TLL2: variants seen among roughly 807,000 people sequenced by gnomAD.
TLL2 encodes the protein tolloid-like protein 2.
A neutral mutation model predicts 123.0 loss-of-function variants in TLL2; 106 were observed. The ratio of observed to expected loss-of-function variants is 0.86; its 90% CI spans 0.74 to 1.01. The LOEUF is 1.01. TLL2 is among the 50% of genes least tolerant of loss of function. TLL2 has a pLI of 0.00. For synonymous variants in TLL2, 494 were observed against 516.8 expected, an observed-to-expected ratio of 0.96 and a Z score of 0.60; for missense variants, 1,332 against 1,336.7, an observed-to-expected ratio of 1.00 and a Z score of 0.06.
chr10:96,493,821 T>C (rs1847441743), intron 1 of TLL2, among the ~76,000 whole-genome samples: 1 of 152,128 alleles, frequency 6.6e-6, no homozygotes, highest in African/African-American at 2.4e-5. Context: ...CCCGAATCCG[T>C]GAGTGAACAA....
At chr10:96,411,011 G>A (rs916949685) in intron 8 of TLL2, among the ~76,000 whole-genome samples, 1 of 152,106 alleles carries the variant, frequency 6.6e-6, no homozygotes, top group Non-Finnish European at 1.5e-5. Context: ...GGAGGCCAAG[G>A]CGGGTGGGTC....
At chr10:96,439,514 G>T (rs926661360) in intron 3 of TLL2, among the ~76,000 whole-genome samples, 1 of 152,132 alleles carries the variant, frequency 6.6e-6, no homozygotes, top group Non-Finnish European at 1.5e-5. Flanking sequence ...GACCTGTATG[G>T]ATTTGCTGCT....
chr10:96,403,645 C>T (rs1039189889), intron 10 of TLL2, among the ~76,000 whole-genome samples: 12 of 152,134 alleles, frequency 7.9e-5, no homozygotes, highest in East Asian at 1.9e-4. Flanking sequence ...AATATGGCCT[C>T]GTGGGATGAG....
At chr10:96,455,486 G>C (rs1847004098) in intron 2 of TLL2, among the ~76,000 whole-genome samples, 1 of 152,158 alleles carries the variant, frequency 6.6e-6, no homozygotes, top group Non-Finnish European at 1.5e-5. Flanking sequence ...GATGAGATAG[G>C]AGGTCAGCAC....
intron 2 of TLL2, among the ~76,000 whole-genome samples, chr10:96,462,542 T>TATAA (rs1319404206): frequency 2.0e-5 from 3 of 152,170 alleles, no homozygotes; most frequent in African/African-American, 7.2e-5. Context: ...TACACTCTAG[T>TATAA]ATAAAGTACA....
chr10:96,376,763 G>C lies in TLL2; in HGVS notation c.2377C>G (p.Pro793Ala). ...VEGTLASPNW[P>A]DKYPSRRECT... ...TCCCTCCGGCTGGGGTATTTGTCAGGCCAGTTGGGGCTCGCCAGGGTCCCC... is the reference window on the plus strand; with the variant it reads ...TCCCTCCGGCTGGGGTATTTGTCAGCCCAGTTGGGGCTCGCCAGGGTCCCC... The change falls in exon 18 of 21, where the codon CCT (proline) becomes GCT (alanine). Residue 793 changes from proline to alanine, a missense_variant. Pro to Ala is a conservative substitution (Grantham distance 27). Coordinates refer to ENST00000357947, the MANE Select transcript of TLL2 (RefSeq NM_012465.4). 6.3e-7 allele frequency: 1 copy of C among 1,597,956 alleles called. No individual in the cohort carries two copies. Among genetic ancestry groups the C allele is most frequent in the South Asian group, 1.1e-5 (1 of 88,632 alleles).
At chr10:96,432,059 A>G (rs1001097110) in intron 4 of TLL2, among the ~76,000 whole-genome samples, 1 of 152,056 alleles carries the variant, frequency 6.6e-6, no homozygotes, top group African/African-American at 2.4e-5. Flanking sequence ...GGGGTACTTG[A>G]GGGAGGGCAT....
chr10:96,400,357 CAAAAAAAAAAAA>C (rs55975748), intron 10 of TLL2, among the ~76,000 whole-genome samples: 2 of 109,894 alleles, frequency 1.8e-5, no homozygotes, highest in Non-Finnish European at 3.7e-5. Context: ...CTACTACCAT[CAAAAAAAAAAAA>C]AAAAAAAAAA....
At chr10:96,390,377 T>TG in intron 13 of TLL2, among the ~76,000 whole-genome samples, 1 of 152,338 alleles carries the variant, frequency 6.6e-6, no homozygotes, top group South Asian at 2.1e-4. Flanking sequence ...ATTCTTTATG[T>TG]GGGGGGCATA....
At chr10:96,387,592 G>C (rs953213527) in intron 13 of TLL2, among the ~76,000 whole-genome samples, 2 of 152,228 alleles carry the variant, frequency 1.3e-5, no homozygotes, top group African/African-American at 4.8e-5. Flanking sequence ...ACTCTTAAGA[G>C]AGGTATGCAC....
At chr10:96,476,240 A>ATATATTCT in intron 2 of TLL2, among the ~76,000 whole-genome samples, 1 of 20,502 alleles carries the variant, frequency 4.9e-5, no homozygotes, top group African/African-American at 1.7e-4. Flanking sequence ...ATATATATAT[A>ATATATTCT]TTTTATTTTT....
intron 2 of TLL2, among the ~76,000 whole-genome samples, chr10:96,468,818 C>T (rs1328382520): frequency 6.6e-6 from 1 of 152,136 alleles, no homozygotes; most frequent in Non-Finnish European, 1.5e-5. Flanking sequence ...CAAACACGCT[C>T]GTAATGAAAA....
intron 1 of TLL2, among the ~76,000 whole-genome samples, chr10:96,493,816 A>G (rs375994069): frequency 7.9e-5 from 12 of 152,190 alleles, no homozygotes; most frequent in African/African-American, 2.9e-4. Flanking sequence ...TCATCCCCGA[A>G]TCCGTGAGTG....
At chr10:96,384,484 G>C in intron 16 of TLL2, 103 bp downstream of exon 16, 6 of 1,261,262 alleles carry the variant, frequency 4.8e-6, no homozygotes, top group South Asian at 1.8e-5. Flanking sequence ...AGGGATGCAG[G>C]AGCAAGCAAA....
At chr10:96,413,477 A>C (rs1846527202) in intron 7 of TLL2, among the ~76,000 whole-genome samples, 161 bp from the exon 8 acceptor site, 1 of 152,164 alleles carries the variant, frequency 6.6e-6, no homozygotes, top group Non-Finnish European at 1.5e-5. Flanking sequence ...TCCTTCGCTC[A>C]TGCTAGCATT....
At chr10:96,463,799 T>G (rs1015740894) in intron 2 of TLL2, among the ~76,000 whole-genome samples, 4 of 152,258 alleles carry the variant, frequency 2.6e-5, no homozygotes, top group Non-Finnish European at 5.9e-5. Flanking sequence ...CTGGCCTCAT[T>G]AGTTTTTCAG....
At chr10:96,505,400 A>G (rs572276256) in intron 1 of TLL2, among the ~76,000 whole-genome samples, 1 of 152,338 alleles carries the variant, frequency 6.6e-6, no homozygotes, top group Admixed American at 6.5e-5. Flanking sequence ...GGTTGTTCAG[A>G]TATTTAGTTT....
At chr10:96,432,690 C>A (rs1324081618) in intron 4 of TLL2, 117 bp downstream of exon 4, 4 of 1,328,968 alleles carry the variant, frequency 3.0e-6, no homozygotes, top group Middle Eastern at 2.5e-4. Context: ...CATCTGTAGG[C>A]CTGCTGTGGT....
Position 96,421,848 on chromosome 10 carries a change from C to CA in TLL2, c.817+700dup, listed in dbSNP as rs1324673568. Reference sequence around the variant, plus strand: ...GTGAGACTCTGTCTCAAAAAACAAACAAAAAAAACAAAACAAACAAACAAA... The same window carrying CA: ...GTGAGACTCTGTCTCAAAAAACAAACAAAAAAAAACAAAACAAACAAACAAA... On this transcript the variant is annotated intron_variant, in intron 6 of 20. Coordinates refer to ENST00000357947, the MANE Select transcript of TLL2 (RefSeq NM_012465.4). Among the ~76,000 whole-genome samples, 291 of 151,374 alleles carry CA rather than the reference C, an allele frequency of 1.9e-3. 4 individuals carry two copies. Among genetic ancestry groups the CA allele is most frequent in the Admixed American group, 0.015 (234 of 15,184 alleles).
Sources: gnomAD v4.1 joint callset for allele counts (sites outside exome capture counted in the v4.1 genomes callset) on GRCh38, gnomAD v4.1.1 for gene constraint, MANE v1.5 for transcripts, NCBI Gene and HGNC (gene_info 2026-07-23, HGNC 2026-07-21) for gene names.